ATF2: variants seen among roughly 807,000 people sequenced by gnomAD.
ATF2 encodes cyclic AMP-dependent transcription factor ATF-2.
ATF2 carries 24 observed loss-of-function variants against 60.6 expected under a neutral mutation model. The ratio of observed to expected loss-of-function variants is 0.40; its 90% confidence interval spans 0.29 to 0.56. The LOEUF (loss-of-function observed/expected upper bound fraction) is 0.56, where lower values mean the gene tolerates loss of function less well. Ranked by LOEUF, ATF2 falls within the 20% of genes least tolerant of loss-of-function variation. The pLI is 0.54. For missense variants in ATF2, 433 were observed against 607.7 expected, an observed-to-expected ratio of 0.71 and a Z score of 3.02; for synonymous variants, 206 against 215.4, an observed-to-expected ratio of 0.96 and a Z score of 0.38.
intron 2 of ATF2, among the ~76,000 whole-genome samples, chr2:175,147,466 T>C (rs1261898408): frequency 1.3e-5 from 2 of 152,184 alleles, no homozygotes. Flanking sequence ...TATAGAACTA[T>C]AAACATTGCA....
intron 12 of ATF2, among the ~76,000 whole-genome samples, chr2:175,084,376 C>T (rs1009245995): frequency 3.3e-5 from 5 of 150,920 alleles, no homozygotes; most frequent in African/African-American, 4.9e-5. Flanking sequence ...CATCATTCTC[C>T]GTAAACTATC....
Position 175,093,062 on chromosome 2 carries a change from T to TG in ATF2, c.1183dup (p.Gln395ProfsTer3), listed in dbSNP as rs1178059052. On this transcript the variant is annotated frameshift_variant and splice_region_variant, in exon 12 of 14. Transcript: ENST00000264110. LOFTEE classifies it high-confidence loss of function. The stretch of plus-strand genomic sequence containing the variant: ...AAAATTCACATATATGCACCATACC[T>TG]GCAGCTGACCATTTAATGAACTCAA... The TG allele has an allele frequency of 6.2e-7, 1 of 1,614,006 alleles. No homozygotes were observed.
In ATF2 at chr2:175,073,153, C is replaced by T. The variant is rs544118124; in HGVS notation, c.*1456G>A. ...TTTTACAAAGTTTTCTTACGCACAT[C>T]TACTACTTTTAAAATTTTATGTTTA... On this transcript the variant is annotated 3_prime_UTR_variant, in exon 14 of 14. Coordinates refer to ENST00000264110, the MANE Select transcript of ATF2 (RefSeq NM_001880.4). 2.6e-5 allele frequency: 4 copies of T among 152,252 alleles called. No individual in the cohort carries two copies. Among genetic ancestry groups the T allele is most frequent in the South Asian group, 4.1e-4 (2 of 4,828 alleles). The allele number at this position is 152,252 out of a possible 1,614,324, so 9.4% of individuals were successfully genotyped here. A position where few individuals can be genotyped will look rare whatever the true frequency, so the allele number is the denominator to read the frequency against.
chr2:175,167,398 G>A (rs965303711), intron 1 of ATF2, among the ~76,000 whole-genome samples: 3 of 152,018 alleles, frequency 2.0e-5, no homozygotes, highest in Non-Finnish European at 4.4e-5. Flanking sequence ...GGAAAAAGCT[G>A]GGGGTAGCGG....
intron 1 of ATF2, among the ~76,000 whole-genome samples, chr2:175,163,225 C>T (rs1314943038): frequency 6.6e-6 from 1 of 151,278 alleles, no homozygotes; most frequent in African/African-American, 2.4e-5. Context: ...ATTAGAAAAA[C>T]CAAAGCTATA....
intron 11 of ATF2, among the ~76,000 whole-genome samples, chr2:175,094,411 A>G (rs1324457156): frequency 8.5e-6 from 1 of 116,972 alleles, no homozygotes; most frequent in Non-Finnish European, 1.8e-5. Flanking sequence ...ACGAAAAAAA[A>G]AAAAAAAAAA....
chr2:175,084,081 G>T (rs1693964398), intron 12 of ATF2, among the ~76,000 whole-genome samples: 1 of 152,200 alleles, frequency 6.6e-6, no homozygotes, highest in African/African-American at 2.4e-5. Flanking sequence ...GGAAGTCAGT[G>T]TGGCGATTCC....
intron 12 of ATF2, among the ~76,000 whole-genome samples, chr2:175,087,944 G>C (rs915644064): frequency 6.6e-6 from 1 of 152,092 alleles, no homozygotes; most frequent in African/African-American, 2.4e-5. Flanking sequence ...CACAAATTCT[G>C]TAAGTGCAAA....
rs116222057 is a variant in ATF2 at position 175,072,767 on chromosome 2, A to G, written c.*1842T>C. 10 of 152,186 alleles carry G rather than the reference A, an allele frequency of 6.6e-5. No individual in the cohort carries two copies. The highest frequency in any genetic ancestry group is 2.2e-4 in the African/African-American group (9 of 41,512). The allele number at this position is 152,186 out of a possible 1,614,324, so 9.4% of individuals were successfully genotyped here. ...AAAACTGATTACTTTAAAATAATGA[A>G]ATTAGTTAAAAATTAAAAATTTAAA... On this transcript the variant is annotated 3_prime_UTR_variant, in exon 14 of 14. Coordinates refer to ENST00000264110, the MANE Select transcript of ATF2 (RefSeq NM_001880.4).
At chr2:175,075,165 C>T (rs767003063) in intron 13 of ATF2, 2 of 909,578 alleles carry the variant, frequency 2.2e-6, no homozygotes, top group Admixed American at 7.8e-5. Flanking sequence ...CATTAAGTAT[C>T]ACATTTAACA....
At chr2:175,165,311 T>A (rs1310293028) in intron 1 of ATF2, among the ~76,000 whole-genome samples, 1 of 152,208 alleles carries the variant, frequency 6.6e-6, no homozygotes, top group Non-Finnish European at 1.5e-5. Flanking sequence ...TCCAATGACA[T>A]TTTAGTAAGA....
chr2:175,089,905 T>C (rs1694427828), intron 12 of ATF2, among the ~76,000 whole-genome samples: 1 of 152,130 alleles, frequency 6.6e-6, no homozygotes. Flanking sequence ...TCTATACCAG[T>C]TCCTATACCT....
chr2:175,114,236 A>G, intron 8 of ATF2, 128 bp from the exon 9 acceptor site: 1 of 1,410,186 alleles, frequency 7.1e-7, no homozygotes, highest in Non-Finnish European at 9.2e-7. Flanking sequence ...ACAGCAAAGC[A>G]AATAGCAAAA....
At chr2:175,103,980 C>T (rs1695474080) in intron 10 of ATF2, among the ~76,000 whole-genome samples, 1 of 151,556 alleles carries the variant, frequency 6.6e-6, no homozygotes, top group Admixed American at 6.6e-5. Flanking sequence ...CGACATTTAA[C>T]ACATGCTTAC....
intron 3 of ATF2, among the ~76,000 whole-genome samples, chr2:175,131,210 G>T (rs574530293): frequency 1.3e-5 from 2 of 152,276 alleles, no homozygotes; most frequent in Admixed American, 1.3e-4. Flanking sequence ...TGGACAACTT[G>T]ATATTGCACT....
chr2:175,117,706 T>C (rs1559083220), intron 7 of ATF2, among the ~76,000 whole-genome samples: 1 of 151,982 alleles, frequency 6.6e-6, no homozygotes, highest in African/African-American at 2.4e-5. Context: ...TAGCTAAATA[T>C]AAAATAGCAA....
chr2:175,122,577 A>G (rs1479657213), intron 4 of ATF2, among the ~76,000 whole-genome samples: 2 of 152,038 alleles, frequency 1.3e-5, no homozygotes, highest in Non-Finnish European at 2.9e-5. Context: ...GGGTTACCTT[A>G]AACACAATGT....
At chr2:175,091,560 A>G (rs1429446128) in intron 12 of ATF2, among the ~76,000 whole-genome samples, 1 of 152,190 alleles carries the variant, frequency 6.6e-6, no homozygotes, top group Non-Finnish European at 1.5e-5. Flanking sequence ...AACATTCTGG[A>G]TTAAAAATTT....
chr2:175,120,594 C>T (rs1401772227), intron 5 of ATF2, among the ~76,000 whole-genome samples: 2 of 151,502 alleles, frequency 1.3e-5, no homozygotes, highest in East Asian at 3.9e-4. Context: ...TAATTCCAGA[C>T]TTATATGACA....
Sources: allele counts gnomAD v4.1 joint callset (sites outside exome capture counted in the v4.1 genomes callset), GRCh38; gene constraint gnomAD v4.1.1; transcripts MANE v1.5; gene names NCBI Gene and HGNC (gene_info 2026-07-23, HGNC 2026-07-21).